The following IGF2BP2 variants were observed in gnomAD, a reference collection of about 807,000 sequenced individuals.
IGF2BP2 encodes insulin-like growth factor 2 mRNA-binding protein 2.
In IGF2BP2, 17 loss-of-function variants were observed where a neutral mutation model predicts 75.8. The observed-to-expected ratio is 0.22, with a 90% CI of 0.15 to 0.34. IGF2BP2 has a LOEUF of 0.34. Ranked by LOEUF, IGF2BP2 falls within the 10% of genes least tolerant of loss-of-function variation. The probability of loss-of-function intolerance (pLI) is 1.00; values close to 1 mark genes in which losing one functional copy is unlikely to be tolerated. For synonymous variants in IGF2BP2, 288 were observed against 295.6 expected (o/e 0.97, Z 0.26); for missense variants, 516 against 772.4 (o/e 0.67, Z 3.93).
At chr3:185,735,290 C>T (rs935934167) in intron 2 of IGF2BP2, among the ~76,000 whole-genome samples, 5 of 151,998 alleles carry the variant, frequency 3.3e-5, no homozygotes, top group African/African-American at 1.2e-4. Flanking sequence ...GGACTACAGG[C>T]ATTAGCCACC....
At chr3:185,760,258 G>A (rs766179614) in intron 2 of IGF2BP2, among the ~76,000 whole-genome samples, 1 of 152,024 alleles carries the variant, frequency 6.6e-6, no homozygotes, top group African/African-American at 2.4e-5. Context: ...GCAGTGCCTC[G>A]GTTATGACAC....
chr3:185,720,163 C>T (rs1017743925), intron 2 of IGF2BP2, among the ~76,000 whole-genome samples: 3 of 152,110 alleles, frequency 2.0e-5, no homozygotes, highest in African/African-American at 7.2e-5. Flanking sequence ...AGTCTCTGGC[C>T]GTGGTCTATA....
At chr3:185,738,820 C>T (rs982800442) in intron 2 of IGF2BP2, among the ~76,000 whole-genome samples, 3 of 152,138 alleles carry the variant, frequency 2.0e-5, no homozygotes, top group Non-Finnish European at 4.4e-5. Context: ...AATAATTTTG[C>T]TAAATACAAA....
In IGF2BP2 at chr3:185,645,735, A is replaced by G. The variant is rs1442095606; in HGVS notation, c.1708-112T>C. On this transcript the variant is annotated intron_variant, in intron 15 of 15. Coordinates refer to ENST00000382199, the MANE Select transcript of IGF2BP2 (RefSeq NM_006548.6). The surrounding 1 kb of genome is among the most constrained non-coding windows in gnomAD (Gnocchi z 4.9). The stretch of plus-strand genomic sequence containing the variant: ...CTTGGGGATGAAGGGTGGAATGCTC[A>G]GACAAGCATCATCTACCCACCCCCG... 10 of 762,234 alleles carry G rather than the reference A, an allele frequency of 1.3e-5. No individual in the cohort carries two copies. The highest frequency in any genetic ancestry group is 1.8e-5 in the Non-Finnish European group (8 of 433,898). 47.2% of individuals were successfully genotyped at this position (762,234 alleles called of 1,614,324 possible).
intron 2 of IGF2BP2, among the ~76,000 whole-genome samples, chr3:185,817,064 A>C (rs1740709688): frequency 6.6e-6 from 1 of 152,234 alleles, no homozygotes; most frequent in South Asian, 2.1e-4. Flanking sequence ...AAAGCTCAAA[A>C]CATACATCAG....
intron 10 of IGF2BP2, among the ~76,000 whole-genome samples, chr3:185,660,506 G>A (rs1716247664): frequency 6.6e-6 from 1 of 152,236 alleles, no homozygotes; most frequent in Non-Finnish European, 1.5e-5. Flanking sequence ...CAGGGCTGCT[G>A]TAGGTTACCA....
At chr3:185,711,117 G>C (rs933079380) in intron 2 of IGF2BP2, among the ~76,000 whole-genome samples, 3 of 152,156 alleles carry the variant, frequency 2.0e-5, no homozygotes, top group South Asian at 2.1e-4. Flanking sequence ...TCTTATCAAG[G>C]ATTCATCTGA....
chr3:185,714,350 A>T (rs531942038), intron 2 of IGF2BP2, among the ~76,000 whole-genome samples: 1 of 152,332 alleles, frequency 6.6e-6, no homozygotes, highest in Admixed American at 6.5e-5. Context: ...AAGTAAGTAA[A>T]TGCTGCAATG....
chr3:185,692,791 A>AT (rs1722123835), intron 4 of IGF2BP2, 29 bp from the exon 5 acceptor site: 1 of 1,610,686 alleles, frequency 6.2e-7, no homozygotes. Context: ...CTACACTGTC[A>AT]TAGGAAAAAG....
chr3:185,783,284 C>T (rs1735441287), intron 2 of IGF2BP2, among the ~76,000 whole-genome samples: 1 of 152,184 alleles, frequency 6.6e-6, no homozygotes, highest in African/African-American at 2.4e-5. Flanking sequence ...AGCCTCTGCT[C>T]TGAGAAGGTC....
At chr3:185,746,548 G>A (rs1203361802) in intron 2 of IGF2BP2, among the ~76,000 whole-genome samples, 1 of 152,162 alleles carries the variant, frequency 6.6e-6, no homozygotes, top group Non-Finnish European at 1.5e-5. Flanking sequence ...GGTCCAAACT[G>A]AATGTCTCTC....
At chr3:185,769,446 T>C (rs1483062040) in intron 2 of IGF2BP2, among the ~76,000 whole-genome samples, 2 of 152,084 alleles carry the variant, frequency 1.3e-5, no homozygotes, top group African/African-American at 4.8e-5. Flanking sequence ...AACTCTTAAA[T>C]AGTGAATGCC....
At position 185,645,756 on chromosome 3, in the gene IGF2BP2, C is replaced by A. The variant is rs1577776320; in HGVS notation, c.1708-133G>T. 3.0e-6 allele frequency: 2 copies of A among 663,022 alleles called. No individual in the cohort carries two copies. Among genetic ancestry groups the A allele is most frequent in the East Asian group, 5.4e-5 (2 of 37,060 alleles). The allele number at this position is 663,022 out of a possible 1,614,324, so 41.1% of individuals were successfully genotyped here. On this transcript the variant is annotated intron_variant, in intron 15 of 15. Coordinates refer to ENST00000382199, the MANE Select transcript of IGF2BP2 (RefSeq NM_006548.6). The surrounding 1 kb of genome is among the most constrained non-coding windows in gnomAD (Gnocchi z 4.9). ...GCTCAGACAAGCATCATCTACCCAC[C>A]CCCGCACGTTACTCCAGGCCCTTTT... is the stretch of plus-strand genomic sequence containing the variant.
At chr3:185,758,679 T>A (rs956621442) in intron 2 of IGF2BP2, among the ~76,000 whole-genome samples, 4 of 151,984 alleles carry the variant, frequency 2.6e-5, no homozygotes, top group Admixed American at 1.3e-4. Flanking sequence ...GAGAGAAAAA[T>A]AAGAGAGGGA....
At chr3:185,680,670 G>A (rs1038383983) in intron 7 of IGF2BP2, among the ~76,000 whole-genome samples, 3 of 152,184 alleles carry the variant, frequency 2.0e-5, no homozygotes, top group African/African-American at 4.8e-5. Flanking sequence ...GGAGCTGGGC[G>A]CAGTGGCTTA....
chr3:185,802,713 A>T (rs1360999536), intron 2 of IGF2BP2, among the ~76,000 whole-genome samples: 1 of 152,236 alleles, frequency 6.6e-6, no homozygotes, highest in Non-Finnish European at 1.5e-5. Flanking sequence ...TTTCTCTTAC[A>T]CACCCACCAG....
chr3:185,664,091 G>A (rs1042795001), intron 10 of IGF2BP2, among the ~76,000 whole-genome samples: 3 of 152,210 alleles, frequency 2.0e-5, no homozygotes, highest in Non-Finnish European at 2.9e-5. Flanking sequence ...TGCAGAAGGT[G>A]CACTGCTCTA....
At chr3:185,716,994 C>G in intron 2 of IGF2BP2, 1 of 353,918 alleles carries the variant, frequency 2.8e-6, no homozygotes, top group Non-Finnish European at 5.6e-6. Context: ...CAATGGATGA[C>G]TATAAACAAG....
chr3:185,683,634 C>G (rs1279375889), intron 7 of IGF2BP2, among the ~76,000 whole-genome samples: 35 of 152,116 alleles, frequency 2.3e-4, no homozygotes, highest in Non-Finnish European at 5.9e-5. Context: ...ATCTCAAACT[C>G]CTGACTCAAG....
Sources: gnomAD v4.1 joint callset for allele counts (sites outside exome capture counted in the v4.1 genomes callset) on GRCh38, gnomAD v4.1.1 for gene constraint, Gnocchi (gnomAD v3.1) non-coding constraint, MANE v1.5 for transcripts, NCBI Gene and HGNC (gene_info 2026-07-23, HGNC 2026-07-21) for gene names.